The following NKAIN3 variants were observed in gnomAD, a reference collection of about 807,000 sequenced individuals.
The protein encoded by NKAIN3 is sodium/potassium transporting ATPase interacting 3.
In NKAIN3, 25 loss-of-function variants were observed where a neutral mutation model predicts 30.2. The observed-to-expected ratio is 0.83, with a 90% CI of 0.60 to 1.16. The LOEUF is 1.16. Among genes scored for constraint, NKAIN3 ranks in the 50% most tolerant of loss-of-function variants. The pLI, the probability that NKAIN3 is intolerant of heterozygous loss-of-function variation, is 0.00. For missense variants in NKAIN3, 225 were observed against 254.1 expected (o/e 0.89, Z 0.78); for synonymous variants, 91 against 89.6 (o/e 1.02, Z -0.09).
At chr8:62,962,130 C>G (rs1390610516) in intron 6 of NKAIN3, among the ~76,000 whole-genome samples, 1 of 152,114 alleles carries the variant, frequency 6.6e-6, no homozygotes, top group Non-Finnish European at 1.5e-5. Flanking sequence ...AATCTATTAT[C>G]CCCCAAGAAA....
At chr8:62,289,772 C>T (rs1301971459) in intron 1 of NKAIN3, among the ~76,000 whole-genome samples, 3 of 152,014 alleles carry the variant, frequency 2.0e-5, no homozygotes, top group African/African-American at 7.2e-5. Flanking sequence ...TTTCCAGTTC[C>T]ATGAAGAAAG....
rs1823846362 is a variant in NKAIN3, at chr8:62,971,989, T to C, written c.*6582T>C. On this transcript the variant is annotated 3_prime_UTR_variant, in exon 7 of 7. Coordinates refer to ENST00000623646, the MANE Select transcript of NKAIN3 (RefSeq NM_001304533.3). ...TTCTCTAGAATTGAGTTTAAAATTCTAGAGCCAATCTAACATTTTGCTTGG... is the reference window on the plus strand; with the variant it reads ...TTCTCTAGAATTGAGTTTAAAATTCCAGAGCCAATCTAACATTTTGCTTGG... Among the ~76,000 whole-genome samples, 1 of 152,224 alleles carries C rather than the reference T, an allele frequency of 6.6e-6. No homozygotes were observed. Among genetic ancestry groups the C allele is most frequent in the Non-Finnish European group, 1.5e-5 (1 of 68,040 alleles).
At chr8:62,330,555 C>A (rs1815310034) in intron 1 of NKAIN3, among the ~76,000 whole-genome samples, 1 of 151,808 alleles carries the variant, frequency 6.6e-6, no homozygotes, top group Non-Finnish European at 1.5e-5. Context: ...CCATACCTGC[C>A]CCTCCTCTAG....
intron 1 of NKAIN3, among the ~76,000 whole-genome samples, chr8:62,257,113 T>C (rs923682832): frequency 2.0e-5 from 3 of 152,196 alleles, no homozygotes; most frequent in Admixed American, 6.5e-5. Flanking sequence ...ATTTGAAATT[T>C]ACTCCCTTGG....
chr8:62,887,217 G>A (rs1367159258), intron 4 of NKAIN3, among the ~76,000 whole-genome samples: 2 of 151,970 alleles, frequency 1.3e-5, no homozygotes, highest in African/African-American at 2.4e-5. Context: ...TTTCTCCTCT[G>A]TAAGTAAAGT....
intron 4 of NKAIN3, among the ~76,000 whole-genome samples, chr8:62,864,899 G>A (rs967847042): frequency 2.0e-5 from 3 of 152,106 alleles, no homozygotes; most frequent in African/African-American, 7.2e-5. Context: ...ATAGGAGAGG[G>A]ATACAGCACC....
chr8:62,751,873 C>T (rs1816295521), intron 4 of NKAIN3, among the ~76,000 whole-genome samples: 1 of 149,540 alleles, frequency 6.7e-6, no homozygotes, highest in Non-Finnish European at 1.5e-5. Context: ...CTAGTCCTCT[C>T]CCACTCACTC....
intron 4 of NKAIN3, among the ~76,000 whole-genome samples, chr8:62,804,442 T>C (rs151018176): frequency 0.77 from 116,680 of 152,128 alleles, 45,015 homozygotes; most frequent in Admixed American, 0.82. Flanking sequence ...CATCAAAAAG[T>C]TTATCCACCA....
intron 3 of NKAIN3, among the ~76,000 whole-genome samples, chr8:62,682,757 A>G (rs913242596): frequency 6.6e-6 from 1 of 152,052 alleles, no homozygotes; most frequent in African/African-American, 2.4e-5. Flanking sequence ...AGAGGCAGCC[A>G]TAATCTTCCT....
chr8:62,902,401 G>T (rs1467042404), intron 4 of NKAIN3, among the ~76,000 whole-genome samples: 1 of 152,182 alleles, frequency 6.6e-6, no homozygotes, highest in Admixed American at 6.5e-5. Context: ...AGCCTGAATA[G>T]ATACAGGCCA....
At chr8:62,344,923 T>G (rs1417279438) in intron 1 of NKAIN3, 1 of 391,690 alleles carries the variant, frequency 2.6e-6, no homozygotes, top group East Asian at 7.4e-5. Flanking sequence ...ACAATATTAA[T>G]TTTTCCAGTA....
At chr8:62,735,742 T>C (rs915278897) in intron 3 of NKAIN3, among the ~76,000 whole-genome samples, 6 of 152,182 alleles carry the variant, frequency 3.9e-5, no homozygotes, top group African/African-American at 1.4e-4. Flanking sequence ...GAATTCTTTT[T>C]CTGGTTCCTT....
At chr8:62,934,990 C>T (rs1453980868) in intron 5 of NKAIN3, among the ~76,000 whole-genome samples, 1 of 152,152 alleles carries the variant, frequency 6.6e-6, no homozygotes, top group Non-Finnish European at 1.5e-5. Flanking sequence ...CTCAAATTCA[C>T]AAATTCTGCC....
At chr8:62,458,341 A>G (rs981923471) in intron 1 of NKAIN3, among the ~76,000 whole-genome samples, 3 of 152,262 alleles carry the variant, frequency 2.0e-5, no homozygotes, top group Admixed American at 6.5e-5. Flanking sequence ...CACGCTAAGT[A>G]TATAATGTTT....
intron 3 of NKAIN3, among the ~76,000 whole-genome samples, chr8:62,630,607 A>C (rs1387441864): frequency 6.6e-6 from 1 of 152,198 alleles, no homozygotes; most frequent in African/African-American, 2.4e-5. Flanking sequence ...AACACCATGC[A>C]TCCTCTACTC....
chr8:62,842,582 A>T (rs1411544177), intron 4 of NKAIN3, among the ~76,000 whole-genome samples: 1 of 152,202 alleles, frequency 6.6e-6, no homozygotes, highest in Non-Finnish European at 1.5e-5. Flanking sequence ...ACAAAGCTAC[A>T]GGCATCATAC....
intron 3 of NKAIN3, among the ~76,000 whole-genome samples, chr8:62,736,630 G>A (rs1815685535): frequency 6.6e-6 from 1 of 152,144 alleles, no homozygotes; most frequent in African/African-American, 2.4e-5. Context: ...GAGAAAGCAA[G>A]CAGGGCTCTC....
chr8:62,809,454 C>T (rs1818414662), intron 4 of NKAIN3, among the ~76,000 whole-genome samples: 1 of 152,102 alleles, frequency 6.6e-6, no homozygotes, highest in African/African-American at 2.4e-5. Flanking sequence ...TAATAAATGT[C>T]CATGAAATCT....
intron 1 of NKAIN3, among the ~76,000 whole-genome samples, chr8:62,500,440 A>AG (rs1296098129): frequency 8.4e-6 from 1 of 119,680 alleles, no homozygotes; most frequent in Non-Finnish European, 1.7e-5. Context: ...AAAGAAAGAA[A>AG]GAAAGAAAGA....
Sources: allele counts gnomAD v4.1 joint callset (sites outside exome capture counted in the v4.1 genomes callset), GRCh38; gene constraint gnomAD v4.1.1; transcripts MANE v1.5; gene names NCBI Gene and HGNC (gene_info 2026-07-23, HGNC 2026-07-21).